DTNBP1: variants seen among roughly 807,000 people sequenced by gnomAD.
The protein encoded by DTNBP1 is dystrobrevin binding protein 1.
Under a neutral mutation model 42.8 loss-of-function variants are expected in DTNBP1, and 35 were observed. The observed-to-expected ratio is 0.82, with a 90% confidence interval of 0.63 to 1.09. The LOEUF (loss-of-function observed/expected upper bound fraction) is 1.09. Ranked by LOEUF, DTNBP1 falls within the 50% of genes least tolerant of loss-of-function variation. The pLI is 0.00. For synonymous variants in DTNBP1, 171 were observed against 162.2 expected (o/e 1.05, Z -0.41); for missense variants, 457 against 424.2 (o/e 1.08, Z -0.68).
intron 7 of DTNBP1, among the ~76,000 whole-genome samples, chr6:15,553,996 ACT>A (rs753876627): frequency 4.7e-4 from 72 of 152,142 alleles, no homozygotes; most frequent in Non-Finnish European, 9.1e-4. Flanking sequence ...GAGAGAAAGG[ACT>A]CTATCTCAAA....
chr6:15,540,938 G>A (rs1773524210), intron 7 of DTNBP1, among the ~76,000 whole-genome samples: 2 of 152,100 alleles, frequency 1.3e-5, no homozygotes, highest in African/African-American at 4.8e-5. Context: ...CAATGTGCCT[G>A]GCCTTAAAAT....
At chr6:15,601,043 C>T (rs988908390) in intron 6 of DTNBP1, among the ~76,000 whole-genome samples, 2 of 152,034 alleles carry the variant, frequency 1.3e-5, no homozygotes, top group African/African-American at 4.8e-5. Context: ...AAGTGAACAC[C>T]AGCATTAAAA....
chr6:15,619,647 A>G (rs1487320609), intron 5 of DTNBP1, among the ~76,000 whole-genome samples: 2 of 152,126 alleles, frequency 1.3e-5, no homozygotes, highest in Non-Finnish European at 2.9e-5. Flanking sequence ...GGAACTGAAA[A>G]TAATATTAAG....
chr6:15,593,746 G>A (rs1326507048), intron 6 of DTNBP1, among the ~76,000 whole-genome samples: 2 of 152,190 alleles, frequency 1.3e-5, no homozygotes, highest in African/African-American at 4.8e-5. Context: ...AAGTTGTTTT[G>A]AGGCTTTCCC....
chr6:15,620,639 T>A (rs1311128612), intron 5 of DTNBP1, among the ~76,000 whole-genome samples: 1 of 152,224 alleles, frequency 6.6e-6, no homozygotes, highest in African/African-American at 2.4e-5. Context: ...TCATAGCTAA[T>A]AGGATTATTT....
chr6:15,661,993 G>T (rs1717594938), intron 1 of DTNBP1, among the ~76,000 whole-genome samples: 1 of 152,158 alleles, frequency 6.6e-6, no homozygotes, highest in Admixed American at 6.5e-5. Context: ...GCAATCTGGC[G>T]CCAGAGTCTC....
chr6:15,660,113 A>G (rs1262449502), intron 1 of DTNBP1, among the ~76,000 whole-genome samples: 1 of 152,262 alleles, frequency 6.6e-6, no homozygotes, highest in Non-Finnish European at 1.5e-5. Flanking sequence ...TATGGACTGC[A>G]TAATTGATAA....
At chr6:15,645,629 C>G (rs1760634455) in intron 3 of DTNBP1, among the ~76,000 whole-genome samples, 1 of 151,980 alleles carries the variant, frequency 6.6e-6, no homozygotes, top group Non-Finnish European at 1.5e-5. Flanking sequence ...AAGGACGGTT[C>G]AACAAACACA....
chr6:15,564,789 C>T (rs1411741679), intron 7 of DTNBP1, among the ~76,000 whole-genome samples: 1 of 151,932 alleles, frequency 6.6e-6, no homozygotes, highest in Non-Finnish European at 1.5e-5. Flanking sequence ...AAAACAGATG[C>T]TCAACATCAT....
At chr6:15,582,784 T>C (rs919034626) in intron 7 of DTNBP1, among the ~76,000 whole-genome samples, 6 of 152,244 alleles carry the variant, frequency 3.9e-5, no homozygotes, top group Non-Finnish European at 8.8e-5. Flanking sequence ...AATTAGAGAC[T>C]TGAAAGTGAA....
chr6:15,615,160 T>C, intron 6 of DTNBP1, 107 bp downstream of exon 6: 1 of 1,544,128 alleles, frequency 6.5e-7, no homozygotes, highest in South Asian at 1.1e-5. Flanking sequence ...AGTTTTATGT[T>C]GAAACCTTTG....
At chr6:15,578,979 A>C (rs935119595) in intron 7 of DTNBP1, among the ~76,000 whole-genome samples, 1 of 152,202 alleles carries the variant, frequency 6.6e-6, no homozygotes, top group Admixed American at 6.5e-5. Flanking sequence ...TGTTATGGAA[A>C]ACAGTATGGA....
chr6:15,662,803 C>A lies in DTNBP1; in HGVS notation c.56+11G>T. ...CCTCAGGTCCCTTTTCGTCGCCCAC[C>A]GTATACCCACCCGGAGGTGAAATCC... is the stretch of plus-strand genomic sequence containing the variant. On this transcript the variant is annotated intron_variant, in intron 1 of 9. Transcript: ENST00000344537. The A allele has an allele frequency of 6.2e-7, 1 of 1,612,112 alleles. No homozygotes were observed. Among genetic ancestry groups the A allele is most frequent in the Non-Finnish European group, 8.5e-7 (1 of 1,179,510 alleles).
intron 1 of DTNBP1, among the ~76,000 whole-genome samples, chr6:15,652,604 G>T (rs1761067623): frequency 6.6e-6 from 1 of 151,538 alleles, no homozygotes; most frequent in African/African-American, 2.4e-5. Context: ...TTTACTATAT[G>T]TTAGATACTA....
intron 1 of DTNBP1, among the ~76,000 whole-genome samples, chr6:15,653,683 G>T (rs961871370): frequency 5.3e-5 from 8 of 152,190 alleles, no homozygotes; most frequent in African/African-American, 1.9e-4. Context: ...GCTACAGTAT[G>T]CAGTAATATC....
In DTNBP1 at chr6:15,651,294, C is replaced by A; in HGVS notation, c.161+19G>T. ...AAAAAGTCAGAAGTATAACCTTCCT[C>A]TACAAATGAAACACTTACCTGCTAA... On this transcript the variant is annotated intron_variant, in intron 3 of 9. Coordinates refer to ENST00000344537, the MANE Select transcript of DTNBP1 (RefSeq NM_032122.5). The A allele has an allele frequency of 6.2e-7, 1 of 1,609,814 alleles. No individual in the cohort carries two copies. Among genetic ancestry groups the A allele is most frequent in the Non-Finnish European group, 8.5e-7 (1 of 1,178,078 alleles).
At chr6:15,535,850 G>A (rs1311463190) in intron 7 of DTNBP1, among the ~76,000 whole-genome samples, 1 of 152,206 alleles carries the variant, frequency 6.6e-6, no homozygotes, top group Non-Finnish European at 1.5e-5. Flanking sequence ...ATAGTGATGT[G>A]AACAATGAAG....
intron 5 of DTNBP1, 108 bp downstream of exon 5, chr6:15,627,235 G>A (rs1759398809): frequency 6.9e-7 from 1 of 1,440,678 alleles, no homozygotes; most frequent in Non-Finnish European, 9.5e-7. Context: ...AAAAAATCCT[G>A]TTAACCCAGA....
chr6:15,549,490 T>TAAA (rs1561952291), intron 7 of DTNBP1, among the ~76,000 whole-genome samples: 9 of 101,800 alleles, frequency 8.8e-5, no homozygotes, highest in Admixed American at 5.6e-4. Context: ...GTCTCAGGGA[T>TAAA]TAAAAAAAAA....
Sources: gnomAD v4.1 joint callset for allele counts (sites outside exome capture counted in the v4.1 genomes callset) on GRCh38, gnomAD v4.1.1 for gene constraint, MANE v1.5 for transcripts, NCBI Gene and HGNC (gene_info 2026-07-23, HGNC 2026-07-21) for gene names.